The following HAAO variants were observed in gnomAD, a reference collection of about 807,000 sequenced individuals.
HAAO encodes the protein 3-hydroxyanthranilate 3,4-dioxygenase.
In HAAO, 49 loss-of-function variants were observed where a neutral mutation model predicts 46.2. The ratio of observed to expected loss-of-function variants is 1.06; its 90% CI spans 0.84 to 1.34. The LOEUF (loss-of-function observed/expected upper bound fraction) is 1.34, where lower values mean the gene tolerates loss of function less well. Among genes scored for constraint, HAAO ranks in the 40% most tolerant of loss-of-function variants. HAAO has a pLI of 0.00. For synonymous variants in HAAO, 157 were observed against 145.2 expected (o/e 1.08, Z -0.58); for missense variants, 408 against 364.5 (o/e 1.12, Z -0.97).
At chr2:42,791,461 C>G (rs936700801) in intron 1 of HAAO, among the ~76,000 whole-genome samples, 15 of 152,102 alleles carry the variant, frequency 9.9e-5, no homozygotes, top group Admixed American at 3.9e-4. Context: ...TAGAAGAGAT[C>G]TTTGGGGAGA....
At chr2:42,792,386 A>T (rs1672869192) in intron 1 of HAAO, 71 bp downstream of exon 1, 2 of 801,162 alleles carry the variant, frequency 2.5e-6, no homozygotes, top group Non-Finnish European at 4.0e-6. Flanking sequence ...TCGGAGCTGG[A>T]AGGTGAGGGC....
chr2:42,769,747 G>C lies in HAAO; in HGVS notation c.596C>G (p.Pro199Arg), dbSNP rs756426963. 1.2e-6 allele frequency: 2 copies of C among 1,613,770 alleles called. No homozygotes were observed. The highest frequency in any genetic ancestry group is 2.2e-5 in the South Asian group (2 of 90,996). The change falls in exon 7 of 10, where the codon CCA becomes CGA. Residue 199 changes from proline to arginine, a missense_variant. Coordinates refer to ENST00000294973, the MANE Select transcript of HAAO (RefSeq NM_012205.3). ...SHHRELQAGT[P>R]LSLFGDTYET... Reference sequence around the variant, plus strand: ...ATAGGTGTCCCCAAACAGGCTGAGTGGTGTGCCTGCCTGCAGCTCCCTGTG... The same window carrying C: ...ATAGGTGTCCCCAAACAGGCTGAGTCGTGTGCCTGCCTGCAGCTCCCTGTG...
intron 1 of HAAO, among the ~76,000 whole-genome samples, chr2:42,791,872 G>T (rs1002809812): frequency 2.6e-5 from 4 of 151,680 alleles, no homozygotes; most frequent in African/African-American, 4.9e-5. Context: ...ACCCTGTTGG[G>T]TGCTGCAGGC....
chr2:42,768,422 A>G (rs1343467731), intron 7 of HAAO, among the ~76,000 whole-genome samples: 3 of 152,192 alleles, frequency 2.0e-5, no homozygotes, highest in Admixed American at 2.0e-4. Context: ...ATATTCATTA[A>G]TGTAAACTGA....
In HAAO at chr2:42,767,805, G is replaced by A. The variant is rs1157217607; in HGVS notation, c.699+55C>T. On this transcript the variant is annotated intron_variant, in intron 8 of 9. Coordinates refer to ENST00000294973, the MANE Select transcript of HAAO (RefSeq NM_012205.3). ...GTGTGGGAGCCCAGGGCCGAGGAGCGGGCTGATGCCCTCTGGCAGGGGGTT... is the reference window on the plus strand; with the variant it reads ...GTGTGGGAGCCCAGGGCCGAGGAGCAGGCTGATGCCCTCTGGCAGGGGGTT... The A allele has an allele frequency of 1.7e-5, 27 of 1,582,544 alleles. No individual in the cohort carries two copies. In the Middle Eastern group the frequency reaches 6.7e-4, roughly 39 times the overall value.
intron 2 of HAAO, 161 bp from the exon 3 acceptor site, chr2:42,784,028 G>A (rs932892899): frequency 1.0e-5 from 9 of 876,848 alleles, no homozygotes; most frequent in Non-Finnish European, 1.2e-5. Flanking sequence ...CTGTCTCCCC[G>A]GTGCATGCCA....
At chr2:42,787,145 C>T (rs1672449093) in intron 2 of HAAO, among the ~76,000 whole-genome samples, 1 of 152,220 alleles carries the variant, frequency 6.6e-6, no homozygotes, top group Non-Finnish European at 1.5e-5. Context: ...TGCTGGCCAG[C>T]TCTCCTTATC....
At chr2:42,775,948 C>G (rs542707809) in intron 4 of HAAO, among the ~76,000 whole-genome samples, 1 of 142,592 alleles carries the variant, frequency 7.0e-6, no homozygotes, top group Non-Finnish European at 1.5e-5. Flanking sequence ...GTGGTTTTAT[C>G]GCTTCTGGGC....
In HAAO at chr2:42,788,509, G is replaced by C. The variant is rs758628600; in HGVS notation, c.159+20C>G. 11 of 1,530,560 alleles carry C rather than the reference G, an allele frequency of 7.2e-6. No individual in the cohort carries two copies. The African/African-American group carries it at 1.5e-4, about 21-fold the overall frequency. 94.8% of individuals were successfully genotyped at this position (1,530,560 alleles called of 1,614,324 possible). Reference sequence around the variant, plus strand: ...CTCCTTGCCCGCAGGCCTAGATCCAGGGAGACCAGTCAAACCTACCTCTTC... The same window carrying C: ...CTCCTTGCCCGCAGGCCTAGATCCACGGAGACCAGTCAAACCTACCTCTTC... On this transcript the variant is annotated intron_variant, in intron 2 of 9. Coordinates refer to ENST00000294973, the MANE Select transcript of HAAO (RefSeq NM_012205.3).
rs113019865 is a variant in HAAO at position 42,767,918 on chromosome 2, T to C, written c.641A>G (p.Tyr214Cys). ...CAGGCCTTCGCTGCTGCCTTGCCCA[T>C]AGGCGATCACCTGGTGGGAGGTGAA... Reference protein sequence around the residue: ...GDTYETQVIAYGQGSSEGLRQ... With the variant: ...GDTYETQVIACGQGSSEGLRQ... Residue 214 changes from tyrosine (Y) to cysteine (C), a missense_variant, in exon 8 of 10, where the codon TAT becomes TGT. Coordinates refer to ENST00000294973, the MANE Select transcript of HAAO (RefSeq NM_012205.3). 2.5e-3 allele frequency: 4,016 copies of C among 1,613,784 alleles called. 8 individuals carry two copies. Among genetic ancestry groups the C allele is most frequent in the Non-Finnish European group, 2.6e-3 (3,104 of 1,179,692 alleles).
intron 1 of HAAO, among the ~76,000 whole-genome samples, chr2:42,790,052 G>T (rs909858621): frequency 2.6e-5 from 4 of 152,200 alleles, no homozygotes; most frequent in African/African-American, 9.6e-5. Flanking sequence ...TGACGATGGT[G>T]TGGATGGCAG....
intron 5 of HAAO, 38 bp from the exon 6 acceptor site, chr2:42,770,224 A>G: frequency 6.4e-7 from 1 of 1,568,114 alleles, no homozygotes; most frequent in Non-Finnish European, 8.7e-7. Flanking sequence ...AGTGGCGAGC[A>G]CTCCCATCGG....
intron 4 of HAAO, among the ~76,000 whole-genome samples, chr2:42,775,934 G>C (rs963188432): frequency 5.4e-5 from 8 of 147,456 alleles, no homozygotes; most frequent in Non-Finnish European, 1.0e-4. Flanking sequence ...TTTTAAGGAA[G>C]AGTGTGGTTT....
chr2:42,784,017 C>G, intron 2 of HAAO, 150 bp from the exon 3 acceptor site: 1 of 1,416,338 alleles, frequency 7.1e-7, no homozygotes, highest in Non-Finnish European at 9.5e-7. Context: ...TGTCCTGAGG[C>G]CTGTCTCCCC....
At position 42,767,115 on chromosome 2, in the gene HAAO, G is replaced by T. The variant is rs1670721333; in HGVS notation, c.*322C>A. On this transcript the variant is annotated 3_prime_UTR_variant, in exon 10 of 10. Coordinates refer to ENST00000294973, the MANE Select transcript of HAAO (RefSeq NM_012205.3). The stretch of plus-strand genomic sequence containing the variant: ...GCGTTCCTCAGGAAGCCTTTATTGA[G>T]GGCCTTCTTGGTGTGGAAGTGCTGC... 2.2e-6 allele frequency: 1 copy of T among 463,110 alleles called. No individual in the cohort carries two copies. 28.7% of individuals were successfully genotyped at this position (463,110 alleles called of 1,614,324 possible).
chr2:42,781,144 C>T (rs954785222), intron 4 of HAAO, among the ~76,000 whole-genome samples: 47 of 152,074 alleles, frequency 3.1e-4, no homozygotes, highest in African/African-American at 1.1e-3. Context: ...TTCTCTCTAC[C>T]TGATTTCTCC....
At chr2:42,770,655 G>T (rs1671045450) in intron 4 of HAAO, 73 bp from the exon 5 acceptor site, 1 of 925,494 alleles carries the variant, frequency 1.1e-6, no homozygotes, top group African/African-American at 1.7e-5. Context: ...CTCAGGCCTG[G>T]CTCTGCTTGT....
intron 4 of HAAO, among the ~76,000 whole-genome samples, chr2:42,778,925 C>G (rs180926929): frequency 1.8e-3 from 276 of 152,130 alleles, no homozygotes; most frequent in African/African-American, 6.0e-3. Flanking sequence ...ACCAGCTTGA[C>G]TAACATGGTG....
chr2:42,769,606 A>AGTGTGTGT, intron 7 of HAAO, 107 bp downstream of exon 7: 1 of 660,760 alleles, frequency 1.5e-6, no homozygotes, highest in Non-Finnish European at 2.4e-6. Flanking sequence ...TGTGTGTGTG[A>AGTGTGTGT]GTGTGTGTGT....
Sources: allele counts gnomAD v4.1 joint callset (sites outside exome capture counted in the v4.1 genomes callset), GRCh38; gene constraint gnomAD v4.1.1; transcripts MANE v1.5; gene names NCBI Gene and HGNC (gene_info 2026-07-23, HGNC 2026-07-21).